CUX1: variants seen among roughly 807,000 people sequenced by gnomAD.
CUX1 encodes cut like homeobox 1, also known as protein CASP.
In CUX1, 31 loss-of-function variants were observed where a neutral mutation model predicts 158.8. The observed-to-expected ratio is 0.20, with a 90% CI of 0.15 to 0.26. The LOEUF (loss-of-function observed/expected upper bound fraction) is 0.26, where lower values mean the gene tolerates loss of function less well. Among genes scored for constraint, CUX1 ranks in the 10% least tolerant of loss-of-function variants. The probability of loss-of-function intolerance (pLI) is 1.00; values close to 1 mark genes in which losing one functional copy is unlikely to be tolerated. For synonymous variants in CUX1, 879 were observed against 862.1 expected, an observed-to-expected ratio of 1.02 and a Z score of -0.34; for missense variants, 1,589 against 2,014.6, an observed-to-expected ratio of 0.79 and a Z score of 4.04.
At chr7:101,919,572 G>T (rs746991957) in intron 2 of CUX1, among the ~76,000 whole-genome samples, 1 of 152,164 alleles carries the variant, frequency 6.6e-6, no homozygotes, top group Non-Finnish European at 1.5e-5. Context: ...CAGGGCTGGT[G>T]GTGTTCCTGC....
intron 1 of CUX1, among the ~76,000 whole-genome samples, chr7:101,857,745 T>G (rs1214154652): frequency 7.0e-6 from 1 of 143,336 alleles, no homozygotes; most frequent in African/African-American, 2.7e-5. Flanking sequence ...AGGAGCTTTG[T>G]TTCGTTTTAT....
rs555134595 is a variant in CUX1, at chr7:101,854,179, G to A, written c.30+36510G>A. ...GTTGAACTGGATGTCGGACAATTCTGAAATGTGTGCATGGGGCAAGGCTGT... is the reference window on the plus strand; with the variant it reads ...GTTGAACTGGATGTCGGACAATTCTAAAATGTGTGCATGGGGCAAGGCTGT... On this transcript the variant is annotated intron_variant, in intron 1 of 23. Coordinates refer to ENST00000292535, the MANE Select transcript of CUX1 (RefSeq NM_181552.4). Among the ~76,000 whole-genome samples the A allele has an allele frequency of 3.3e-5, 5 of 152,294 alleles. No homozygotes were observed. The South Asian group carries it at 1.0e-3, about 32-fold the overall frequency.
At chr7:101,834,665 C>G (rs557923416) in intron 1 of CUX1, among the ~76,000 whole-genome samples, 2 of 152,036 alleles carry the variant, frequency 1.3e-5, no homozygotes, top group Non-Finnish European at 1.5e-5. Context: ...ACCTCCGTCC[C>G]GTAACTTTTT....
chr7:102,214,830 C>T (rs1796891857), intron 20 of CUX1, among the ~76,000 whole-genome samples: 1 of 152,248 alleles, frequency 6.6e-6, no homozygotes, highest in African/African-American at 2.4e-5. Flanking sequence ...GCGTTTACTT[C>T]TTCCCTTTGG....
intron 2 of CUX1, among the ~76,000 whole-genome samples, chr7:101,939,521 G>A (rs934978935): frequency 6.6e-6 from 1 of 152,092 alleles, no homozygotes; most frequent in Non-Finnish European, 1.5e-5. Context: ...CTGAATGTGA[G>A]CAGTCTTTTT....
intron 21 of CUX1, among the ~76,000 whole-genome samples, chr7:102,233,334 T>C (rs961034333): frequency 9.9e-5 from 15 of 151,984 alleles, no homozygotes; most frequent in African/African-American, 3.1e-4. Context: ...TATAGGTACA[T>C]GCCACCACGC....
intron 2 of CUX1, among the ~76,000 whole-genome samples, chr7:101,922,200 C>T (rs1466946893): frequency 6.6e-6 from 1 of 152,146 alleles, no homozygotes; most frequent in African/African-American, 2.4e-5. Context: ...GACAGTTTGG[C>T]CCTGGGAATA....
chr7:101,969,359 C>CAAAAAAAAAAAAAAAAAAA (rs10711703), intron 2 of CUX1, among the ~76,000 whole-genome samples: 3 of 56,110 alleles, frequency 5.3e-5, no homozygotes, highest in Non-Finnish European at 6.4e-5. Flanking sequence ...CAAAAAACAG[C>CAAAAAAAAAAAAAAAAAAA]AAAAAAAAAA....
rs1351315703 is a variant in CUX1, at chr7:102,170,649, G to A, written c.828+99G>A. ...TTTTTGTTTTCAGCATCTCTTTTTG[G>A]GAATCACGTTTTAACTAGTACTGCT... On this transcript the variant is annotated intron_variant, in intron 10 of 23. Coordinates refer to ENST00000292535, the MANE Select transcript of CUX1 (RefSeq NM_181552.4). The A allele has an allele frequency of 3.7e-6, 3 of 818,088 alleles. No homozygotes were observed. The African/African-American group carries it at 5.2e-5, about 14-fold the overall frequency. The allele number at this position is 818,088 out of a possible 1,614,324, so 50.7% of individuals were successfully genotyped here. A position where few individuals can be genotyped will look rare whatever the true frequency, so the allele number is the denominator to read the frequency against.
In CUX1 at chr7:102,090,622, T is replaced by C. The variant is rs1450308599; in HGVS notation, c.269-6742T>C. ...CCAGGACGGTCTCGATCTCCTGACC[T>C]CATGATCCACCACCTCAGCCTCCCA... is the stretch of plus-strand genomic sequence containing the variant. On this transcript the variant is annotated intron_variant, in intron 4 of 23. Coordinates refer to ENST00000292535, the MANE Select transcript of CUX1 (RefSeq NM_181552.4). Among the ~76,000 whole-genome samples, 9 of 151,828 alleles carry C rather than the reference T, an allele frequency of 5.9e-5. No homozygotes were observed. In the South Asian group the frequency reaches 1.0e-3, roughly 18 times the overall value.
chr7:102,113,745 T>A (rs1375283982), intron 7 of CUX1, among the ~76,000 whole-genome samples: 1 of 152,044 alleles, frequency 6.6e-6, no homozygotes, highest in Non-Finnish European at 1.5e-5. Context: ...ATTATTTCTT[T>A]TATGGACATG....
intron 1 of CUX1, among the ~76,000 whole-genome samples, chr7:101,902,058 G>A (rs1051712874): frequency 5.3e-5 from 8 of 152,160 alleles, no homozygotes; most frequent in African/African-American, 1.4e-4. Flanking sequence ...CAGCCACAAC[G>A]GTTTCCCTGC....
chr7:101,890,547 G>A (rs1800771107), intron 1 of CUX1, among the ~76,000 whole-genome samples: 1 of 152,132 alleles, frequency 6.6e-6, no homozygotes, highest in Non-Finnish European at 1.5e-5. Context: ...TTGTTCTTGG[G>A]ATCAGAGTGA....
rs1554520031 is a variant in CUX1 at position 102,202,137 on chromosome 7, A to C, written c.2840A>C (p.Glu947Ala). The C allele has an allele frequency of 1.2e-6, 2 of 1,613,852 alleles. No individual in the cohort carries two copies. Among genetic ancestry groups the C allele is most frequent in the Non-Finnish European group, 8.5e-7 (1 of 1,179,866 alleles). ...ATGTACCAGGAGGTGGACACCATCG[A>C]GCTCACCCGGCAGGTTAAGGAAAAG... ...VYMYQEVDTIELTRQVKEKLA... is the reference protein window; with the variant it reads ...VYMYQEVDTIALTRQVKEKLA... Residue 947 changes from glutamate to alanine, a missense_variant, in exon 18 of 24, where the codon GAG becomes GCG. This residue lies in a region of CUX1 where 337 missense variants were observed against 409.3 expected (regional missense o/e 0.82). Transcript: ENST00000292535.
intron 8 of CUX1, among the ~76,000 whole-genome samples, chr7:102,142,053 T>A (rs1554500505): frequency 6.6e-6 from 1 of 152,168 alleles, no homozygotes; most frequent in African/African-American, 2.4e-5. Flanking sequence ...TTGCCTACCA[T>A]GCCCTTGAGC....
In CUX1 at chr7:101,894,060, C is replaced by G. The variant is rs80217957; in HGVS notation, c.31-22055C>G. On this transcript the variant is annotated intron_variant, in intron 1 of 23. Transcript: ENST00000292535. ...GTGGCAAATCTCTTGCTCCAAAGTC[C>G]ACTGTGTTGTCTGGGCCCGCATCTT... is the stretch of plus-strand genomic sequence containing the variant. Among the ~76,000 whole-genome samples, 18 of 152,236 alleles carry G rather than the reference C, an allele frequency of 1.2e-4. No homozygotes were observed. The East Asian group carries it at 3.1e-3, about 26-fold the overall frequency.
intron 3 of CUX1, among the ~76,000 whole-genome samples, chr7:102,047,185 A>G (rs1183465487): frequency 2.0e-5 from 3 of 152,178 alleles, no homozygotes; most frequent in Admixed American, 6.5e-5. Context: ...TTAACAGTTT[A>G]GCAAGATCTG....
intron 1 of CUX1, among the ~76,000 whole-genome samples, chr7:101,879,805 G>A (rs554823768): frequency 2.0e-5 from 3 of 152,384 alleles, no homozygotes; most frequent in South Asian, 2.1e-4. Context: ...CCAAGGCAGC[G>A]TCCAGCTGGC....
intron 3 of CUX1, among the ~76,000 whole-genome samples, chr7:102,049,035 T>G (rs1436338317): frequency 1.3e-5 from 2 of 151,654 alleles, no homozygotes; most frequent in African/African-American, 4.8e-5. Flanking sequence ...CCTTCCTCGC[T>G]GGGGGATGGA....
Sources: gnomAD v4.1 joint callset for allele counts (sites outside exome capture counted in the v4.1 genomes callset) on GRCh38, gnomAD v4.1.1 for gene constraint, gnomAD v4.1.1 regional missense constraint, MANE v1.5 for transcripts, NCBI Gene and HGNC (gene_info 2026-07-23, HGNC 2026-07-21) for gene names.